The following DNMBP variants were observed in gnomAD, a reference collection of about 807,000 sequenced individuals.
DNMBP encodes dynamin-binding protein.
A neutral mutation model predicts 150.0 loss-of-function variants in DNMBP; 87 were observed. The observed-to-expected ratio is 0.58, with a 90% confidence interval of 0.49 to 0.69. The LOEUF is 0.69. Ranked by LOEUF, DNMBP falls within the 30% of genes least tolerant of loss-of-function variation. The probability of loss-of-function intolerance (pLI) is 0.00; values close to 1 mark genes in which losing one functional copy is unlikely to be tolerated. For missense variants in DNMBP, 1,774 were observed against 1,949.0 expected, an observed-to-expected ratio of 0.91 and a Z score of 1.69; for synonymous variants, 711 against 750.4, an observed-to-expected ratio of 0.95 and a Z score of 0.86.
intron 13 of DNMBP, 92 bp downstream of exon 13, chr10:99,886,208 G>A: frequency 9.3e-7 from 1 of 1,078,008 alleles, no homozygotes. Flanking sequence ...ATCTAATTCA[G>A]ATAATTTTTC....
intron 4 of DNMBP, among the ~76,000 whole-genome samples, chr10:99,950,520 T>C (rs764755612): frequency 6.6e-6 from 1 of 152,200 alleles, no homozygotes; most frequent in Non-Finnish European, 1.5e-5. Flanking sequence ...ACTTGTTGAA[T>C]GACTTTGACC....
At position 99,930,970 on chromosome 10, in the gene DNMBP, A is replaced by T. The variant is rs2040150466; in HGVS notation, c.2261-21824T>A. Reference sequence around the variant, plus strand: ...CAGGATCCAATCAGCGAGCTACTCTATCTTTCTCCAGAGGCCAGAAGATAA... The same window carrying T: ...CAGGATCCAATCAGCGAGCTACTCTTTCTTTCTCCAGAGGCCAGAAGATAA... On this transcript the variant is annotated intron_variant, in intron 4 of 16. Coordinates refer to ENST00000324109, the MANE Select transcript of DNMBP (RefSeq NM_015221.4). 10 of 470,542 alleles carry T rather than the reference A, an allele frequency of 2.1e-5. No individual in the cohort carries two copies. In the South Asian group the frequency reaches 5.0e-4, roughly 24 times the overall value. The allele number at this position is 470,542 out of a possible 1,614,324, so 29.1% of individuals were successfully genotyped here. A position where few individuals can be genotyped will look rare whatever the true frequency, so the allele number is the denominator to read the frequency against.
chr10:99,971,860 C>CTTTCTTT (rs1554872038), intron 2 of DNMBP, 120 bp downstream of exon 2: 10 of 706,918 alleles, frequency 1.4e-5, no homozygotes, highest in Admixed American at 9.4e-5. Flanking sequence ...TTCTTTCTTT[C>CTTTCTTT]TTTTTTTTTT....
At chr10:99,913,734 G>A (rs1254371459) in intron 4 of DNMBP, among the ~76,000 whole-genome samples, 1 of 152,084 alleles carries the variant, frequency 6.6e-6, no homozygotes, top group Non-Finnish European at 1.5e-5. Context: ...AAGTTCGAAG[G>A]AAGGGAGTCA....
At chr10:99,877,976 A>T (rs1412987991) in intron 16 of DNMBP, among the ~76,000 whole-genome samples, 1 of 152,038 alleles carries the variant, frequency 6.6e-6, no homozygotes, top group Non-Finnish European at 1.5e-5. Context: ...CACGAAAAAT[A>T]AGCATGATGG....
At chr10:100,000,573 G>T (rs1315014152) in intron 1 of DNMBP, among the ~76,000 whole-genome samples, 1 of 152,114 alleles carries the variant, frequency 6.6e-6, no homozygotes, top group Non-Finnish European at 1.5e-5. Context: ...CAAAAATGGG[G>T]ATTCTACTAG....
At chr10:99,902,661 C>T (rs2039762509) in intron 6 of DNMBP, among the ~76,000 whole-genome samples, 1 of 149,642 alleles carries the variant, frequency 6.7e-6, no homozygotes, top group African/African-American at 2.5e-5. Context: ...GACGTAGTGG[C>T]TCAAGCCTGT....
intron 7 of DNMBP, among the ~76,000 whole-genome samples, chr10:99,899,018 C>T (rs1381992489): frequency 6.6e-6 from 1 of 151,430 alleles, no homozygotes; most frequent in African/African-American, 2.4e-5. Context: ...CCTGGTGAAA[C>T]CCCGTCTATA....
At chr10:99,880,551 A>G (rs980674151) in intron 15 of DNMBP, among the ~76,000 whole-genome samples, 190 bp from the exon 16 acceptor site, 2 of 152,184 alleles carry the variant, frequency 1.3e-5, no homozygotes, top group African/African-American at 2.4e-5. Context: ...GGCTTGGAAC[A>G]CTCAGTCCCA....
At chr10:100,007,527 G>A (rs1325790016) in intron 1 of DNMBP, among the ~76,000 whole-genome samples, 1 of 152,048 alleles carries the variant, frequency 6.6e-6, no homozygotes, top group African/African-American at 2.4e-5. Flanking sequence ...CAAAAGCCAT[G>A]CCTTCAGACT....
At chr10:99,992,513 C>T (rs1202118512) in intron 1 of DNMBP, among the ~76,000 whole-genome samples, 1 of 150,996 alleles carries the variant, frequency 6.6e-6, no homozygotes, top group African/African-American at 2.4e-5. Context: ...AGGTAGATTG[C>T]CTGAATCTAG....
At chr10:99,954,699 G>A (rs567390457) in intron 4 of DNMBP, among the ~76,000 whole-genome samples, 20 of 144,984 alleles carry the variant, frequency 1.4e-4, no homozygotes, top group Non-Finnish European at 2.7e-4. Context: ...AGCCAAGGTC[G>A]CGCCATTGCA....
At chr10:99,986,011 G>A (rs1053099067) in intron 1 of DNMBP, among the ~76,000 whole-genome samples, 1 of 152,078 alleles carries the variant, frequency 6.6e-6, no homozygotes, top group Non-Finnish European at 1.5e-5. Context: ...TCGCCCTCTT[G>A]AAGTGCTGGA....
At chr10:99,972,389 T>C (rs1312421790) in intron 1 of DNMBP, among the ~76,000 whole-genome samples, 1 of 148,384 alleles carries the variant, frequency 6.7e-6, no homozygotes, top group East Asian at 2.1e-4. Context: ...CCCAGCTCAG[T>C]CTCCCAAGAA....
intron 4 of DNMBP, among the ~76,000 whole-genome samples, chr10:99,946,934 G>C (rs2040363948): frequency 6.6e-6 from 1 of 152,138 alleles, no homozygotes; most frequent in Non-Finnish European, 1.5e-5. Flanking sequence ...CTTCTCAAAA[G>C]AAGACATACA....
rs1225432452 is a variant in DNMBP at position 99,880,244 on chromosome 10, G to A, written c.4115C>T (p.Pro1372Leu). 1 of 1,614,150 alleles carries A rather than the reference G, an allele frequency of 6.2e-7. No individual in the cohort carries two copies. Among genetic ancestry groups the A allele is most frequent in the Non-Finnish European group, 8.5e-7 (1 of 1,180,036 alleles). The change falls in exon 16 of 17, where the codon CCC (proline) becomes CTC (leucine). Residue 1372 changes from proline (P) to leucine (L), a missense_variant. Physicochemically the swap from Pro to Leu is moderately conservative, Grantham distance 98. This residue lies in a region of DNMBP where 1,430 missense variants were observed against 1,492.5 expected (regional missense o/e 0.96). Transcript: ENST00000324109. ...STESEHGSSSPRFPRQNSGST... is the reference protein window; with the variant it reads ...STESEHGSSSLRFPRQNSGST... ...GCCGCTGTTCTGGCGTGGGAACCTGGGGGAGGAGCTGCCGTGCTCAGACTC... is the reference window on the plus strand; with the variant it reads ...GCCGCTGTTCTGGCGTGGGAACCTGAGGGAGGAGCTGCCGTGCTCAGACTC...
chr10:99,986,611 A>C (rs1270877425), intron 1 of DNMBP, among the ~76,000 whole-genome samples: 2 of 147,386 alleles, frequency 1.4e-5, no homozygotes, highest in African/African-American at 2.5e-5. Flanking sequence ...AAAAAAAAAA[A>C]AAAAAAAAAA....
intron 3 of DNMBP, among the ~76,000 whole-genome samples, chr10:99,967,436 G>C (rs2040630274): frequency 6.6e-6 from 1 of 152,120 alleles, no homozygotes; most frequent in South Asian, 2.1e-4. Context: ...TGAGGAAGGA[G>C]AATCGCTTGA....
At chr10:99,976,978 C>A (rs2040734559) in intron 1 of DNMBP, among the ~76,000 whole-genome samples, 1 of 152,076 alleles carries the variant, frequency 6.6e-6, no homozygotes, top group African/African-American at 2.4e-5. Context: ...TTAGCATAAA[C>A]CCCATATAAT....
Sources: allele counts gnomAD v4.1 joint callset (sites outside exome capture counted in the v4.1 genomes callset), GRCh38; gene constraint gnomAD v4.1.1; regional missense constraint gnomAD v4.1.1; transcripts MANE v1.5; gene names NCBI Gene and HGNC (gene_info 2026-07-23, HGNC 2026-07-21).